Variants in BRINP3 observed in about 807,000 individuals in gnomAD.
The protein encoded by BRINP3 is BMP/retinoic acid inducible neural specific 3, also known as BMP/retinoic acid-inducible neural-specific protein 3.
In BRINP3, 19 loss-of-function variants were observed where a neutral mutation model predicts 71.0. That is an observed-to-expected ratio of 0.27 (90% confidence interval 0.19 to 0.39). BRINP3 has a LOEUF of 0.39. Ranked by LOEUF, BRINP3 falls within the 10% of genes least tolerant of loss-of-function variation. BRINP3 has a pLI of 1.00. For synonymous variants in BRINP3, 380 were observed against 337.7 expected, an observed-to-expected ratio of 1.13 and a Z score of -1.37; for missense variants, 959 against 940.8, an observed-to-expected ratio of 1.02 and a Z score of -0.25.
chr1:190,100,831 C>G (rs1465286347), intron 7 of BRINP3, among the ~76,000 whole-genome samples: 1 of 152,130 alleles, frequency 6.6e-6, no homozygotes, highest in Non-Finnish European at 1.5e-5. Flanking sequence ...CTATTAGATT[C>G]ATGGTTTGAA....
rs537362013 is a variant in BRINP3 at position 190,414,346 on chromosome 1, T to C, written c.236+40309A>G. On this transcript the variant is annotated intron_variant, in intron 2 of 7. Coordinates refer to ENST00000367462, the MANE Select transcript of BRINP3 (RefSeq NM_199051.3). ...TTGAATAAATCACTGTGTTTTTTTT[T>C]TGTTGTTTATCAGTTAGAAATTACA... is the stretch of plus-strand genomic sequence containing the variant. Among the ~76,000 whole-genome samples, 16 of 151,614 alleles carry C rather than the reference T, an allele frequency of 1.1e-4. No homozygotes were observed. The South Asian group carries it at 3.3e-3, about 31-fold the overall frequency.
intron 2 of BRINP3, among the ~76,000 whole-genome samples, chr1:190,342,216 C>T (rs968591045): frequency 4.0e-5 from 6 of 151,510 alleles, no homozygotes; most frequent in African/African-American, 9.7e-5. Context: ...ATAGTCTCCC[C>T]ATTAAGGAGG....
chr1:190,273,620 T>C (rs944433238), intron 3 of BRINP3, among the ~76,000 whole-genome samples: 3 of 151,544 alleles, frequency 2.0e-5, no homozygotes, highest in Non-Finnish European at 3.0e-5. Flanking sequence ...GGCTGGCTCA[T>C]AGAATTTGAC....
At chr1:190,111,063 A>G (rs568866821) in intron 7 of BRINP3, among the ~76,000 whole-genome samples, 48 of 151,806 alleles carry the variant, frequency 3.2e-4, no homozygotes, top group African/African-American at 8.9e-4. Flanking sequence ...CTGTAATCCC[A>G]GCTACTCAGG....
At chr1:190,126,911 G>C (rs1372403300) in intron 7 of BRINP3, among the ~76,000 whole-genome samples, 3 of 151,920 alleles carry the variant, frequency 2.0e-5, no homozygotes, top group African/African-American at 7.2e-5. Context: ...TCATTGGACT[G>C]ATAGAGCAGT....
intron 6 of BRINP3, among the ~76,000 whole-genome samples, chr1:190,180,908 G>A (rs978552507): frequency 1.1e-4 from 17 of 151,890 alleles, no homozygotes; most frequent in East Asian, 3.9e-4. Context: ...ACTAATGATT[G>A]TATTTTACAT....
chr1:190,456,860 A>G (rs555129500), intron 1 of BRINP3, among the ~76,000 whole-genome samples: 67 of 152,272 alleles, frequency 4.4e-4, no homozygotes, highest in African/African-American at 1.6e-3. Flanking sequence ...TCCATATTAC[A>G]TATATCATCT....
At chr1:190,218,789 T>G (rs1656628934) in intron 6 of BRINP3, among the ~76,000 whole-genome samples, 2 of 152,240 alleles carry the variant, frequency 1.3e-5, no homozygotes, top group South Asian at 4.1e-4. Context: ...ATTTTGGTTG[T>G]TTTTAATGCT....
intron 1 of BRINP3, among the ~76,000 whole-genome samples, chr1:190,464,137 GT>G (rs35934189): frequency 9.5e-5 from 14 of 147,348 alleles, no homozygotes; most frequent in Admixed American, 7.4e-4. Flanking sequence ...TTCAAAAAGT[GT>G]TTTTTTTTAA....
rs77488799 is a variant in BRINP3 at position 190,431,762 on chromosome 1, G to A, written c.236+22893C>T. Among the ~76,000 whole-genome samples the A allele has an allele frequency of 3.7e-3, 564 of 152,134 alleles. 5 individuals carry two copies. The highest frequency in any genetic ancestry group is 0.013 in the African/African-American group (541 of 41,528). ...ATGAACACACACATGCTCAGAAACC[G>A]TAGAAGTAAACCACAGTTTTTTTAA... On this transcript the variant is annotated intron_variant, in intron 2 of 7. Coordinates refer to ENST00000367462, the MANE Select transcript of BRINP3 (RefSeq NM_199051.3).
At chr1:190,213,107 T>C (rs1419244852) in intron 6 of BRINP3, among the ~76,000 whole-genome samples, 2 of 152,006 alleles carry the variant, frequency 1.3e-5, no homozygotes, top group Non-Finnish European at 2.9e-5. Context: ...AGGAAACAGC[T>C]GGGAAACTGT....
chr1:190,204,955 A>G (rs1424934075), intron 6 of BRINP3, among the ~76,000 whole-genome samples: 1 of 150,196 alleles, frequency 6.7e-6, no homozygotes, highest in African/African-American at 2.5e-5. Context: ...TTTCCTCTCT[A>G]TTGAATTTTG....
intron 6 of BRINP3, among the ~76,000 whole-genome samples, chr1:190,206,991 T>G (rs1655562097): frequency 6.7e-6 from 1 of 148,338 alleles, no homozygotes; most frequent in Non-Finnish European, 1.5e-5. Context: ...TTGTTTTGTT[T>G]TTTTGTTTTT....
chr1:190,205,922 A>AT (rs143117227), intron 6 of BRINP3, among the ~76,000 whole-genome samples: 2,531 of 151,174 alleles, frequency 0.017, 47 homozygotes, highest in African/African-American at 0.051. Context: ...ATGAGAGTTT[A>AT]TTTTTTTTTC....
chr1:190,198,189 C>T (rs954908487), intron 6 of BRINP3, among the ~76,000 whole-genome samples: 3 of 152,138 alleles, frequency 2.0e-5, no homozygotes, highest in African/African-American at 7.2e-5. Context: ...AGTGGCAAGG[C>T]CCTGGACCCA....
chr1:190,274,029 G>T (rs1170667552), intron 3 of BRINP3, among the ~76,000 whole-genome samples: 1 of 151,498 alleles, frequency 6.6e-6, no homozygotes, highest in Non-Finnish European at 1.5e-5. Flanking sequence ...TCAGTGAAAT[G>T]CAAGTGAGCC....
intron 1 of BRINP3, among the ~76,000 whole-genome samples, chr1:190,465,636 T>C (rs945198141): frequency 6.6e-6 from 1 of 151,830 alleles, no homozygotes; most frequent in Non-Finnish European, 1.5e-5. Context: ...CTCTTAGTAA[T>C]TTTCCATCCA....
At chr1:190,406,913 A>C (rs1238684036) in intron 2 of BRINP3, among the ~76,000 whole-genome samples, 1 of 152,162 alleles carries the variant, frequency 6.6e-6, no homozygotes, top group African/African-American at 2.4e-5. Context: ...AATATAATTG[A>C]AGCTCTTTTT....
intron 7 of BRINP3, among the ~76,000 whole-genome samples, chr1:190,152,252 T>A (rs1461521513): frequency 6.6e-6 from 1 of 152,048 alleles, no homozygotes. Flanking sequence ...CCTTTTTAAA[T>A]ATATTTTTTG....
Sources: gnomAD v4.1 joint callset for allele counts (sites outside exome capture counted in the v4.1 genomes callset) on GRCh38, gnomAD v4.1.1 for gene constraint, MANE v1.5 for transcripts, NCBI Gene and HGNC (gene_info 2026-07-23, HGNC 2026-07-21) for gene names.